The following SAMD12 variants were observed in gnomAD, a reference collection of about 807,000 sequenced individuals.
SAMD12 encodes sterile alpha motif domain-containing protein 12.
Under a neutral mutation model 15.0 loss-of-function variants are expected in SAMD12, and 9 were observed. The ratio of observed to expected loss-of-function variants is 0.60; its 90% CI spans 0.36 to 1.05. The LOEUF (loss-of-function observed/expected upper bound fraction) is 1.05, where lower values mean the gene tolerates loss of function less well. SAMD12 is among the 50% of genes least tolerant of loss of function. SAMD12 has a pLI of 0.01. For missense variants in SAMD12, 230 were observed against 234.2 expected, an observed-to-expected ratio of 0.98 and a Z score of 0.12; for synonymous variants, 86 against 90.1, an observed-to-expected ratio of 0.96 and a Z score of 0.25.
intron 2 of SAMD12, among the ~76,000 whole-genome samples, chr8:118,508,831 G>C (rs13255545): frequency 0.69 from 105,315 of 152,078 alleles, 37,658 homozygotes; most frequent in African/African-American, 0.88. Flanking sequence ...TCTCAACACT[G>C]ATTTTATCCT....
chr8:118,529,901 G>C (rs1479808458), intron 2 of SAMD12, among the ~76,000 whole-genome samples: 5 of 152,194 alleles, frequency 3.3e-5, no homozygotes, highest in African/African-American at 1.2e-4. Flanking sequence ...CCTAGCAGTA[G>C]GATTGCTGGA....
chr8:118,600,796 T>C (rs1827844578), intron 1 of SAMD12, among the ~76,000 whole-genome samples: 1 of 152,140 alleles, frequency 6.6e-6, no homozygotes, highest in Non-Finnish European at 1.5e-5. Context: ...CTTTTTTTTT[T>C]AGATCTGATT....
intron 2 of SAMD12, among the ~76,000 whole-genome samples, chr8:118,571,257 G>A (rs949698907): frequency 6.6e-6 from 1 of 152,168 alleles, no homozygotes; most frequent in South Asian, 2.1e-4. Flanking sequence ...TCAGAAGAAG[G>A]CAGGAAAATG....
intron 4 of SAMD12, among the ~76,000 whole-genome samples, chr8:118,202,953 AT>A (rs760887771): frequency 3.9e-5 from 6 of 152,328 alleles, no homozygotes; most frequent in African/African-American, 9.6e-5. Context: ...GCAGTTACTC[AT>A]TGAATCTGTA....
At chr8:118,319,182 A>C (rs1404702038) in intron 4 of SAMD12, among the ~76,000 whole-genome samples, 1 of 152,170 alleles carries the variant, frequency 6.6e-6, no homozygotes, top group African/African-American at 2.4e-5. Flanking sequence ...ACAAGGGCAC[A>C]GATGCATTTG....
At chr8:118,522,900 G>A (rs997922984) in intron 2 of SAMD12, among the ~76,000 whole-genome samples, 2 of 152,086 alleles carry the variant, frequency 1.3e-5, no homozygotes, top group Admixed American at 6.6e-5. Flanking sequence ...ACATTTATAC[G>A]TATCCACACA....
intron 4 of SAMD12, among the ~76,000 whole-genome samples, chr8:118,243,882 G>A (rs1265948768): frequency 6.6e-6 from 1 of 152,152 alleles, no homozygotes; most frequent in African/African-American, 2.4e-5. Flanking sequence ...CATGAAGAGA[G>A]AGAAAATGGC....
chr8:118,318,051 G>A (rs916035275), intron 4 of SAMD12, among the ~76,000 whole-genome samples: 2 of 151,906 alleles, frequency 1.3e-5, no homozygotes, highest in African/African-American at 4.8e-5. Context: ...AAAAACAATA[G>A]ATGGTGGTGT....
intron 2 of SAMD12, among the ~76,000 whole-genome samples, chr8:118,560,059 C>G (rs1455333459): frequency 6.6e-6 from 1 of 152,200 alleles, no homozygotes; most frequent in Non-Finnish European, 1.5e-5. Context: ...GCTCAGGGAA[C>G]TTAAGCTTTA....
At chr8:118,175,034 CAAAA>C in the SAMD12 span, among the ~76,000 whole-genome samples, 13 of 78,810 alleles carry the variant, frequency 1.6e-4, no homozygotes, top group Non-Finnish European at 3.6e-4. Context: ...CAAAAAAAAA[CAAAA>C]AAAAAAAAAC....
At chr8:118,486,177 G>C (rs563221580) in intron 2 of SAMD12, among the ~76,000 whole-genome samples, 3 of 152,244 alleles carry the variant, frequency 2.0e-5, no homozygotes, top group Non-Finnish European at 4.4e-5. Context: ...CACTTTGGGA[G>C]GCCAAGGCGG....
chr8:118,254,052 A>C (rs1402632014), intron 4 of SAMD12, among the ~76,000 whole-genome samples: 1 of 152,136 alleles, frequency 6.6e-6, no homozygotes, highest in Non-Finnish European at 1.5e-5. Context: ...CCACCACCAT[A>C]ACAATAATAA....
intron 2 of SAMD12, among the ~76,000 whole-genome samples, chr8:118,565,767 A>C (rs956861154): frequency 6.6e-6 from 1 of 152,120 alleles, no homozygotes; most frequent in Non-Finnish European, 1.5e-5. Flanking sequence ...AGTTTTCCCT[A>C]TTTCACTAAA....
intron 4 of SAMD12, among the ~76,000 whole-genome samples, chr8:118,219,075 T>C (rs914058426): frequency 4.6e-5 from 7 of 152,214 alleles, no homozygotes; most frequent in Non-Finnish European, 8.8e-5. Flanking sequence ...GGGTCTCCGC[T>C]GCCCCCAACA....
intron 3 of SAMD12, among the ~76,000 whole-genome samples, chr8:118,388,231 C>T (rs756844562): frequency 3.3e-5 from 5 of 152,172 alleles, no homozygotes; most frequent in Admixed American, 6.5e-5. Flanking sequence ...GGGCTATACT[C>T]GCCATTTCAT....
At position 118,500,171 on chromosome 8, in the gene SAMD12, C is replaced by T. The variant is rs567800010; in HGVS notation, c.193-60210G>A. 8.1e-5 allele frequency among the ~76,000 whole-genome samples: 12 copies of T among 148,742 alleles called. No homozygotes were observed. In the South Asian group the frequency reaches 2.2e-3, roughly 27 times the overall value. On this transcript the variant is annotated intron_variant, in intron 2 of 3. Transcript: ENST00000314727. Reference sequence around the variant, plus strand: ...TTGGCTCACTGCAACCTCTGCCTCCCGGGTTCAAGTGATTCTCCTGCCTCA... The same window carrying T: ...TTGGCTCACTGCAACCTCTGCCTCCTGGGTTCAAGTGATTCTCCTGCCTCA...
intron 4 of SAMD12, among the ~76,000 whole-genome samples, chr8:118,212,257 C>T (rs960894956): frequency 5.3e-5 from 8 of 152,006 alleles, no homozygotes; most frequent in African/African-American, 1.9e-4. Context: ...GCCTCAGCCT[C>T]CCAAGTGGCT....
chr8:118,444,586 T>C (rs917966262), intron 2 of SAMD12, among the ~76,000 whole-genome samples: 1 of 152,158 alleles, frequency 6.6e-6, no homozygotes, highest in African/African-American at 2.4e-5. Context: ...ACTCATATAA[T>C]AAATTCAGCT....
At chr8:118,270,606 A>C (rs1813332114) in intron 4 of SAMD12, among the ~76,000 whole-genome samples, 1 of 152,214 alleles carries the variant, frequency 6.6e-6, no homozygotes, top group Non-Finnish European at 1.5e-5. Context: ...GCACATTGAA[A>C]GAAAACATTC....
Sources: allele counts gnomAD v4.1 joint callset (sites outside exome capture counted in the v4.1 genomes callset), GRCh38; gene constraint gnomAD v4.1.1; transcripts MANE v1.5; gene names NCBI Gene and HGNC (gene_info 2026-07-23, HGNC 2026-07-21).